AP3B2: variants seen among roughly 807,000 people sequenced by gnomAD.
AP3B2 encodes the protein AP-3 complex subunit beta-2.
Under a neutral mutation model 126.9 loss-of-function variants are expected in AP3B2, and 50 were observed. The observed-to-expected ratio is 0.39, with a 90% confidence interval of 0.31 to 0.50. AP3B2 has a LOEUF of 0.50. Ranked by LOEUF, AP3B2 falls within the 20% of genes least tolerant of loss-of-function variation. AP3B2 has a pLI of 0.79. For missense variants in AP3B2, 1,177 were observed against 1,426.4 expected (o/e 0.83, Z 2.82); for synonymous variants, 541 against 565.0 (o/e 0.96, Z 0.60).
chr15:82,666,180 G>A (rs1236990311), intron 15 of AP3B2, among the ~76,000 whole-genome samples: 1 of 152,212 alleles, frequency 6.6e-6, no homozygotes, highest in Non-Finnish European at 1.5e-5. Flanking sequence ...CACTCCTGGG[G>A]CCCGGAGAAG....
At chr15:82,676,695 T>C in intron 13 of AP3B2, 58 bp from the exon 14 acceptor site, 1 of 1,567,686 alleles carries the variant, frequency 6.4e-7, no homozygotes, top group Non-Finnish European at 8.7e-7. Flanking sequence ...GTGGGTAGGA[T>C]TGTGGACTTC....
intron 1 of AP3B2, among the ~76,000 whole-genome samples, chr15:82,697,568 G>A (rs2048648748): frequency 6.6e-6 from 1 of 152,206 alleles, no homozygotes. Context: ...CTGCAGAAAT[G>A]CGTGAGTACC....
chr15:82,694,670 G>A (rs941690933), intron 1 of AP3B2, among the ~76,000 whole-genome samples: 1 of 150,530 alleles, frequency 6.6e-6, no homozygotes, highest in Non-Finnish European at 1.5e-5. Context: ...AGGCAACAGA[G>A]CAAGAACCTG....
At chr15:82,690,241 TC>T (rs1027963927) in intron 1 of AP3B2, among the ~76,000 whole-genome samples, 2 of 146,886 alleles carry the variant, frequency 1.4e-5, no homozygotes, top group African/African-American at 4.9e-5. Flanking sequence ...CTTTTTTTTT[TC>T]AATTACTAAA....
intron 4 of AP3B2, chr15:82,686,323 T>C (rs1386962980): frequency 6.6e-6 from 1 of 152,078 alleles, no homozygotes; most frequent in Non-Finnish European, 1.5e-5. Context: ...TGGGCTAGGA[T>C]TGAAAGAAGG....
chr15:82,669,132 T>A (rs1402072095), intron 14 of AP3B2, among the ~76,000 whole-genome samples: 1 of 152,216 alleles, frequency 6.6e-6, no homozygotes, highest in Non-Finnish European at 1.5e-5. Flanking sequence ...TGAGACTTGC[T>A]TCTAACCAAC....
At chr15:82,692,268 C>G in intron 1 of AP3B2, 2 of 816,996 alleles carry the variant, frequency 2.4e-6, no homozygotes, top group Non-Finnish European at 3.8e-6. Flanking sequence ...CTTGCGGATC[C>G]GGCCGTACTT....
At chr15:82,694,862 T>C (rs550650036) in intron 1 of AP3B2, among the ~76,000 whole-genome samples, 15 of 152,270 alleles carry the variant, frequency 9.9e-5, no homozygotes, top group African/African-American at 3.4e-4. Context: ...AAATATATAT[T>C]TGGTCTCTAT....
rs1181528840 is a variant in AP3B2, at chr15:82,672,522, A to C, written c.1665+3939T>G. Among the ~76,000 whole-genome samples the C allele has an allele frequency of 3.9e-5, 6 of 152,326 alleles. No homozygotes were observed. In the South Asian group the frequency reaches 1.0e-3, roughly 26 times the overall value. On this transcript the variant is annotated intron_variant, in intron 14 of 26. Coordinates refer to ENST00000535359, the MANE Select transcript of AP3B2 (RefSeq NM_001278512.2). ...TGGGTACAAAATTATAGTTAGATAG[A>C]ATGTGTAAGATCTAGTATTTGACAG... is the stretch of plus-strand genomic sequence containing the variant.
intron 15 of AP3B2, 80 bp downstream of exon 15, chr15:82,666,667 C>T (rs2048064544): frequency 2.7e-6 from 4 of 1,483,942 alleles, no homozygotes; most frequent in Non-Finnish European, 3.6e-6. Flanking sequence ...GGCTAGGGGC[C>T]TCAGGAAGGT....
chr15:82,662,151 T>G lies in AP3B2; in HGVS notation c.2918+17A>C. On this transcript the variant is annotated intron_variant, in intron 24 of 26. Transcript: ENST00000535359. ...TCCAGCCCATCCTCTCACCCCCACC[T>G]CGAGTTGGGCACATACCACAGCTGG... 1 of 1,585,254 alleles carries G rather than the reference T, an allele frequency of 6.3e-7. No homozygotes were observed. Among genetic ancestry groups the G allele is most frequent in the South Asian group, 1.2e-5 (1 of 86,800 alleles).
intron 13 of AP3B2, among the ~76,000 whole-genome samples, 196 bp downstream of exon 13, chr15:82,677,078 C>A (rs954760088): frequency 1.3e-5 from 2 of 152,182 alleles, no homozygotes; most frequent in African/African-American, 4.8e-5. Flanking sequence ...CCATCGTGCT[C>A]ATTGAGGGTC....
intron 1 of AP3B2, 101 bp downstream of exon 1, chr15:82,709,493 G>T (rs1567279971): frequency 2.5e-6 from 2 of 786,128 alleles, no homozygotes; most frequent in Non-Finnish European, 3.2e-6. Flanking sequence ...CGCGGCCGGG[G>T]CGGGGCCGGC....
rs528217183 is a variant in AP3B2 at position 82,664,138 on chromosome 15, A to C, written c.2262-163T>G. Among the ~76,000 whole-genome samples the C allele has an allele frequency of 6.6e-6, 1 of 152,304 alleles. No individual in the cohort carries two copies. Among genetic ancestry groups the C allele is most frequent in the African/African-American group, 2.4e-5 (1 of 41,566 alleles). ...AGGGACCCCGTGAGAGCTTGAAGCCAGCTTGTGCCAGCTCAGGCTCTAGGA... is the reference window on the plus strand; with the variant it reads ...AGGGACCCCGTGAGAGCTTGAAGCCCGCTTGTGCCAGCTCAGGCTCTAGGA... On this transcript the variant is annotated intron_variant, in intron 19 of 26. Transcript: ENST00000535359. The surrounding 1 kb of genome is among the most constrained non-coding windows in gnomAD (Gnocchi z 4.5).
chr15:82,680,664 G>A lies in AP3B2; in HGVS notation c.863C>T (p.Ala288Val), dbSNP rs1408592416. 3.8e-6 allele frequency: 6 copies of A among 1,580,382 alleles called. No homozygotes were observed. In the East Asian group the frequency reaches 6.7e-5, roughly 18 times the overall value. ...ATAGGGCTTTCGGGAGGGGGCGGCCGCGGCGGCCGTCTCCTCAGACCCCGC... is the reference window on the plus strand; with the variant it reads ...ATAGGGCTTTCGGGAGGGGGCGGCCACGGCGGCCGTCTCCTCAGACCCCGC... ...KGAGSEETAA[A>V]AAPSRKPYVM... Residue 288 changes from alanine (A) to valine (V), a missense_variant, in exon 8 of 27, where the codon GCG becomes GTG. Ala to Val is a moderately conservative substitution (Grantham distance 64). Transcript: ENST00000535359. This position sits in a 1 kb window ranked among gnomAD's most constrained non-coding sequence, Gnocchi z 6.1.
Sources: gnomAD v4.1 joint callset for allele counts (sites outside exome capture counted in the v4.1 genomes callset) on GRCh38, gnomAD v4.1.1 for gene constraint, Gnocchi (gnomAD v3.1) non-coding constraint, MANE v1.5 for transcripts, NCBI Gene and HGNC (gene_info 2026-07-23, HGNC 2026-07-21) for gene names.